The following RIMS2 variants were observed in gnomAD, a reference collection of about 807,000 sequenced individuals.
The protein encoded by RIMS2 is regulating synaptic membrane exocytosis protein 2.
RIMS2 carries 59 observed loss-of-function variants against 174.4 expected under a neutral mutation model. The ratio of observed to expected loss-of-function variants is 0.34; its 90% CI spans 0.27 to 0.42. The LOEUF (loss-of-function observed/expected upper bound fraction) is 0.42. RIMS2 is among the 10% of genes least tolerant of loss of function. The pLI is 1.00. For missense variants in RIMS2, 1,620 were observed against 1,666.3 expected (o/e 0.97, Z 0.48); for synonymous variants, 606 against 572.5 (o/e 1.06, Z -0.84).
chr8:103,922,868 G>T (rs1057505669), intron 10 of RIMS2, among the ~76,000 whole-genome samples: 1 of 151,774 alleles, frequency 6.6e-6, no homozygotes, highest in Non-Finnish European at 1.5e-5. Flanking sequence ...AAAATCATTA[G>T]ACATGTCTTT....
At chr8:103,893,320 A>G (rs908750236) in intron 4 of RIMS2, among the ~76,000 whole-genome samples, 2 of 152,074 alleles carry the variant, frequency 1.3e-5, no homozygotes, top group East Asian at 1.9e-4. Flanking sequence ...AGAAAATTGT[A>G]TCTGGGGTAG....
chr8:103,544,971 C>T (rs573623878), intron 1 of RIMS2, among the ~76,000 whole-genome samples: 1 of 152,332 alleles, frequency 6.6e-6, no homozygotes, highest in South Asian at 2.1e-4. Flanking sequence ...ACTCTAGCTA[C>T]TCAAAAAGCC....
At chr8:103,660,756 A>T (rs994524197) in intron 1 of RIMS2, among the ~76,000 whole-genome samples, 13 of 152,354 alleles carry the variant, frequency 8.5e-5, no homozygotes, top group Non-Finnish European at 8.8e-5. Flanking sequence ...ATCATATTAA[A>T]TGCTGTGTGG....
At chr8:103,764,799 C>A (rs2098150530) in intron 2 of RIMS2, among the ~76,000 whole-genome samples, 1 of 152,000 alleles carries the variant, frequency 6.6e-6, no homozygotes, top group African/African-American at 2.4e-5. Flanking sequence ...ACTTAGCAAA[C>A]ATTTATTATA....
intron 19 of RIMS2, chr8:104,015,395 G>GT (rs1355775194): frequency 5.9e-6 from 4 of 677,010 alleles, no homozygotes; most frequent in Non-Finnish European, 1.1e-5. Flanking sequence ...TTTTTGTTCT[G>GT]TTTTTTGTTT....
chr8:103,688,782 T>C (rs973560214), intron 1 of RIMS2, among the ~76,000 whole-genome samples: 12 of 152,092 alleles, frequency 7.9e-5, no homozygotes, highest in African/African-American at 2.7e-4. Flanking sequence ...TAAAAGCTTG[T>C]TGATTTTATC....
intron 1 of RIMS2, among the ~76,000 whole-genome samples, chr8:103,575,482 A>T (rs1316553412): frequency 6.6e-6 from 1 of 152,046 alleles, no homozygotes; most frequent in African/African-American, 2.4e-5. Flanking sequence ...AAAAGTAAAG[A>T]ATGTTCACTG....
intron 12 of RIMS2, among the ~76,000 whole-genome samples, chr8:103,933,618 A>G (rs574285033): frequency 2.0e-5 from 3 of 152,158 alleles, no homozygotes; most frequent in Non-Finnish European, 4.4e-5. Context: ...TCCTTCTCAG[A>G]TTATTTCTTA....
chr8:104,227,909 GGAAA>G (rs764087800), intron 19 of RIMS2, among the ~76,000 whole-genome samples: 2 of 151,826 alleles, frequency 1.3e-5, no homozygotes, highest in Non-Finnish European at 2.9e-5. Flanking sequence ...AGAAAACTGA[GGAAA>G]GAGTCTTTGC....
chr8:103,989,246 C>A, intron 16 of RIMS2, 59 bp from the exon 19 acceptor site: 1 of 1,027,922 alleles, frequency 9.7e-7, no homozygotes, highest in South Asian at 1.4e-5. Flanking sequence ...TAAAATAAAC[C>A]TCGTTTCTTA....
chr8:104,030,181 C>A (rs1282846638), intron 19 of RIMS2, among the ~76,000 whole-genome samples: 1 of 152,002 alleles, frequency 6.6e-6, no homozygotes, highest in African/African-American at 2.4e-5. Context: ...TGGTGAAACT[C>A]TATAGGGATT....
chr8:103,712,661 A>G (rs552754807), intron 2 of RIMS2, among the ~76,000 whole-genome samples: 3 of 152,204 alleles, frequency 2.0e-5, no homozygotes, highest in Non-Finnish European at 4.4e-5. Flanking sequence ...ACAGTTTAAG[A>G]TATAAAAAAT....
intron 3 of RIMS2, among the ~76,000 whole-genome samples, chr8:103,855,503 A>C (rs900647283): frequency 2.0e-5 from 3 of 151,928 alleles, no homozygotes; most frequent in African/African-American, 7.2e-5. Flanking sequence ...TTTTCTCTTA[A>C]CTTTCCTCTT....
At chr8:103,626,373 T>C (rs577403041) in intron 1 of RIMS2, among the ~76,000 whole-genome samples, 5 of 152,208 alleles carry the variant, frequency 3.3e-5, no homozygotes, top group African/African-American at 1.2e-4. Context: ...GGGCAGTCAT[T>C]GAAGAAGCAA....
At chr8:104,248,075 G>A (rs2511590) in intron 20 of RIMS2, among the ~76,000 whole-genome samples, 113,197 of 151,994 alleles carry the variant, frequency 0.74, 43,175 homozygotes, top group African/African-American at 0.91. Flanking sequence ...GGGGGCAAGG[G>A]AAATTGTGTC....
At chr8:103,938,822 CA>C (rs927706055) in intron 13 of RIMS2, among the ~76,000 whole-genome samples, 18 of 152,244 alleles carry the variant, frequency 1.2e-4, no homozygotes, top group Middle Eastern at 3.4e-3. Flanking sequence ...TTGCCCAAAA[CA>C]AAGCCCCATG....
At chr8:103,510,288 T>C (rs1336368150) in intron 1 of RIMS2, among the ~76,000 whole-genome samples, 3 of 152,212 alleles carry the variant, frequency 2.0e-5, no homozygotes, top group Admixed American at 2.0e-4. Context: ...TCTTGTTTTG[T>C]TGGCATATTT....
At chr8:103,730,756 T>C (rs1279537685) in intron 2 of RIMS2, among the ~76,000 whole-genome samples, 1 of 152,216 alleles carries the variant, frequency 6.6e-6, no homozygotes, top group Non-Finnish European at 1.5e-5. Flanking sequence ...GTATTTTCTG[T>C]AGGACAGATC....
chr8:104,141,887 C>T (rs531085162), intron 19 of RIMS2, among the ~76,000 whole-genome samples: 4 of 152,104 alleles, frequency 2.6e-5, no homozygotes, highest in African/African-American at 7.2e-5. Flanking sequence ...CTTTTCAGTC[C>T]CTTGTTATTT....
Sources: allele counts gnomAD v4.1 joint callset (sites outside exome capture counted in the v4.1 genomes callset), GRCh38; gene constraint gnomAD v4.1.1; transcripts MANE v1.5; gene names NCBI Gene and HGNC (gene_info 2026-07-23, HGNC 2026-07-21).